CNTNAP2: variants seen among roughly 807,000 people sequenced by gnomAD.
CNTNAP2 encodes contactin associated protein 2, also known as contactin-associated protein-like 2.
A neutral mutation model predicts 155.2 loss-of-function variants in CNTNAP2; 98 were observed. The observed-to-expected ratio is 0.63, with a 90% CI of 0.54 to 0.75. The LOEUF is 0.75. Ranked by LOEUF, CNTNAP2 falls within the 30% of genes least tolerant of loss-of-function variation. The probability of loss-of-function intolerance (pLI) is 0.00; values close to 1 mark genes in which losing one functional copy is unlikely to be tolerated. For synonymous variants in CNTNAP2, 651 were observed against 631.2 expected, an observed-to-expected ratio of 1.03 and a Z score of -0.47; for missense variants, 1,727 against 1,688.1, an observed-to-expected ratio of 1.02 and a Z score of -0.40.
chr7:147,438,096 C>T (rs1033900314), intron 10 of CNTNAP2, among the ~76,000 whole-genome samples: 4 of 151,882 alleles, frequency 2.6e-5, no homozygotes, highest in Non-Finnish European at 4.4e-5. Context: ...ATTTGAATGC[C>T]GTTTATCTCT....
chr7:147,776,608 AATATTTTCAAGGATG>A (rs1330985176), intron 13 of CNTNAP2, among the ~76,000 whole-genome samples: 1 of 152,166 alleles, frequency 6.6e-6, no homozygotes, highest in African/African-American at 2.4e-5. Context: ...CATTAGAAGA[AATATTTTCAAGGATG>A]ATATTTCAAA....
intron 1 of CNTNAP2, among the ~76,000 whole-genome samples, chr7:146,617,280 T>C (rs1799242185): frequency 6.6e-6 from 1 of 152,346 alleles, no homozygotes; most frequent in Admixed American, 6.5e-5. Context: ...ATCTCCAAAT[T>C]CCACTACCTT....
rs60865830 is a variant in CNTNAP2, at chr7:147,488,555, TAAA to T, written c.1777+2519_1777+2521del. Reference sequence around the variant, plus strand: ...AATTATTTTAAATAGTATTTTTTTTTAAAAAAAGCAGCTAACTAAGAGCTAAAG... The same window carrying T: ...AATTATTTTAAATAGTATTTTTTTTTAAAAGCAGCTAACTAAGAGCTAAAG... On this transcript the variant is annotated intron_variant, in intron 11 of 23. Transcript: ENST00000361727. 4.6e-5 allele frequency among the ~76,000 whole-genome samples: 7 copies of T among 151,758 alleles called. No individual in the cohort carries two copies. The East Asian group carries it at 7.8e-4, about 17-fold the overall frequency.
At chr7:147,649,970 T>C (rs1487857511) in intron 13 of CNTNAP2, among the ~76,000 whole-genome samples, 1 of 152,116 alleles carries the variant, frequency 6.6e-6, no homozygotes, top group Non-Finnish European at 1.5e-5. Flanking sequence ...TATTTATCTT[T>C]ATGAATATTA....
At chr7:148,161,746 A>T (rs1212396984) in intron 17 of CNTNAP2, among the ~76,000 whole-genome samples, 2 of 152,200 alleles carry the variant, frequency 1.3e-5, no homozygotes, top group Non-Finnish European at 2.9e-5. Flanking sequence ...ATAGCCTGTT[A>T]CTGTTGTCTG....
At chr7:146,941,044 C>G (rs567538442) in intron 3 of CNTNAP2, among the ~76,000 whole-genome samples, 75 of 151,888 alleles carry the variant, frequency 4.9e-4, no homozygotes, top group African/African-American at 1.8e-3. Context: ...ATAGTTAGGT[C>G]CTATTTTTTT....
At chr7:147,459,247 G>A (rs547830151) in intron 10 of CNTNAP2, among the ~76,000 whole-genome samples, 12 of 152,228 alleles carry the variant, frequency 7.9e-5, no homozygotes, top group South Asian at 4.1e-4. Flanking sequence ...CCCAGCCATC[G>A]GGTAGGTCAT....
chr7:146,887,771 A>G (rs1008905295), intron 3 of CNTNAP2, among the ~76,000 whole-genome samples: 2 of 152,098 alleles, frequency 1.3e-5, no homozygotes, highest in Admixed American at 6.6e-5. Flanking sequence ...GTTAATGCAA[A>G]TTTAGCATTT....
intron 8 of CNTNAP2, among the ~76,000 whole-genome samples, chr7:147,160,160 A>G (rs1229354695): frequency 6.6e-6 from 1 of 152,142 alleles, no homozygotes; most frequent in African/African-American, 2.4e-5. Context: ...CTGTTTTCTT[A>G]AATGCTATCA....
chr7:146,821,121 T>A (rs943795278), intron 2 of CNTNAP2, among the ~76,000 whole-genome samples: 6 of 152,190 alleles, frequency 3.9e-5, no homozygotes, highest in South Asian at 2.1e-4. Flanking sequence ...TTTATCCAAT[T>A]TGCCAGTCTG....
In CNTNAP2 at chr7:147,243,080, C is replaced by T. The variant is rs550064475; in HGVS notation, c.1349-57061C>T. Among the ~76,000 whole-genome samples the T allele has an allele frequency of 2.9e-5, 4 of 139,598 alleles. No homozygotes were observed. In the East Asian group the frequency reaches 9.5e-4, roughly 33 times the overall value. 91.6% of individuals were successfully genotyped at this position (139,598 alleles called of 152,430 possible). A position where few individuals can be genotyped will look rare whatever the true frequency, so the allele number is the denominator to read the frequency against. Reference sequence around the variant, plus strand: ...TGGTGCGATCCTAGCTCACTGCAACCTCCGTCTCCTGGTTTCAAGTGATTC... The same window carrying T: ...TGGTGCGATCCTAGCTCACTGCAACTTCCGTCTCCTGGTTTCAAGTGATTC... On this transcript the variant is annotated intron_variant, in intron 8 of 23. Coordinates refer to ENST00000361727, the MANE Select transcript of CNTNAP2 (RefSeq NM_014141.6).
At chr7:147,566,388 A>C in intron 12 of CNTNAP2, among the ~76,000 whole-genome samples, 1 of 141,546 alleles carries the variant, frequency 7.1e-6, no homozygotes, top group African/African-American at 2.6e-5. Context: ...GGGTGGGGGG[A>C]TGAGGAATTA....
chr7:147,998,650 A>T (rs557306038), intron 15 of CNTNAP2, among the ~76,000 whole-genome samples: 2 of 152,336 alleles, frequency 1.3e-5, no homozygotes, highest in African/African-American at 2.4e-5. Flanking sequence ...TGAGCTGGAG[A>T]ATATTAGACA....
intron 14 of CNTNAP2, among the ~76,000 whole-genome samples, chr7:147,962,671 A>C (rs1273070196): frequency 6.6e-6 from 1 of 152,254 alleles, no homozygotes; most frequent in African/African-American, 2.4e-5. Flanking sequence ...ACCTAAGTGA[A>C]TATTGACAAT....
At chr7:147,861,719 T>C (rs1434046900) in intron 13 of CNTNAP2, among the ~76,000 whole-genome samples, 1 of 152,084 alleles carries the variant, frequency 6.6e-6, no homozygotes, top group African/African-American at 2.4e-5. Flanking sequence ...TAAAGTGGCA[T>C]ATAAATTAAG....
chr7:147,610,552 A>G (rs936800614), intron 12 of CNTNAP2, among the ~76,000 whole-genome samples: 3 of 152,172 alleles, frequency 2.0e-5, no homozygotes, highest in Non-Finnish European at 4.4e-5. Flanking sequence ...CCTCAAAGGT[A>G]AAATGCAGAG....
intron 2 of CNTNAP2, among the ~76,000 whole-genome samples, chr7:146,783,571 C>A (rs34817661): frequency 0.069 from 10,475 of 152,236 alleles, 414 homozygotes; most frequent in Non-Finnish European, 0.077. Flanking sequence ...ATGACTCATA[C>A]ATTTTGTTTG....
At chr7:146,754,286 G>T (rs1375061300) in intron 1 of CNTNAP2, among the ~76,000 whole-genome samples, 1 of 151,992 alleles carries the variant, frequency 6.6e-6, no homozygotes. Context: ...GAGACAAATT[G>T]ATAGGTAGCA....
rs921457454 is a variant in CNTNAP2, at chr7:146,910,625, C to T, written c.402+70721C>T. Among the ~76,000 whole-genome samples the T allele has an allele frequency of 6.9e-3, 1,046 of 150,662 alleles. 21 individuals are homozygous for T. The highest frequency in any genetic ancestry group is 0.024 in the African/African-American group (977 of 40,186). ...ATATGTAGAAAGCTGAAACTGGATCCCTTCCTTACACCTTATACAAAAATC... is the reference window on the plus strand; with the variant it reads ...ATATGTAGAAAGCTGAAACTGGATCTCTTCCTTACACCTTATACAAAAATC... On this transcript the variant is annotated intron_variant, in intron 3 of 23. Transcript: ENST00000361727.
Sources: gnomAD v4.1 joint callset for allele counts (sites outside exome capture counted in the v4.1 genomes callset) on GRCh38, gnomAD v4.1.1 for gene constraint, MANE v1.5 for transcripts, NCBI Gene and HGNC (gene_info 2026-07-23, HGNC 2026-07-21) for gene names.